The following STXBP3 variants were observed in gnomAD, a reference collection of about 807,000 sequenced individuals.
The protein encoded by STXBP3 is syntaxin binding protein 3, also known as syntaxin-binding protein 3.
STXBP3 carries 41 observed loss-of-function variants against 85.7 expected under a neutral mutation model. That is an observed-to-expected ratio of 0.48 (90% CI 0.37 to 0.62). STXBP3 has a LOEUF of 0.62. Among genes scored for constraint, STXBP3 ranks in the 20% least tolerant of loss-of-function variants. The probability of loss-of-function intolerance (pLI) is 0.00; values close to 1 mark genes in which losing one functional copy is unlikely to be tolerated. For synonymous variants in STXBP3, 229 were observed against 231.7 expected (o/e 0.99, Z 0.10); for missense variants, 563 against 703.1 (o/e 0.80, Z 2.25).
chr1:108,779,009 G>T (rs375456253), intron 8 of STXBP3, among the ~76,000 whole-genome samples: 1 of 152,120 alleles, frequency 6.6e-6, no homozygotes, highest in Non-Finnish European at 1.5e-5. Flanking sequence ...TCAAACCCAA[G>T]TTATTAAATA....
At chr1:108,753,017 G>A in intron 2 of STXBP3, 46 bp from the exon 3 acceptor site, 1 of 1,415,272 alleles carries the variant, frequency 7.1e-7, no homozygotes, top group Non-Finnish European at 9.5e-7. Flanking sequence ...TTTCATTCTT[G>A]GTAATAGGAT....
chr1:108,764,011 T>C (rs1266780267), intron 6 of STXBP3, among the ~76,000 whole-genome samples: 1 of 152,140 alleles, frequency 6.6e-6, no homozygotes, highest in Non-Finnish European at 1.5e-5. Context: ...CCAATAGTTA[T>C]TTTTTCTATT....
chr1:108,785,931 A>C (rs1662816555), intron 11 of STXBP3, among the ~76,000 whole-genome samples: 3 of 152,204 alleles, frequency 2.0e-5, no homozygotes, highest in South Asian at 4.1e-4. Context: ...CATTTTGGCC[A>C]AAATCACTCA....
Position 108,782,629 on chromosome 1 carries a change from A to G in STXBP3, c.906-20A>G. ...GAATTACATCTTAGAAATTTAAAGA[A>G]TTCTCTCACAATTTGACAGGGAAAT... On this transcript the variant is annotated intron_variant, in intron 10 of 18. Coordinates refer to ENST00000370008, the MANE Select transcript of STXBP3 (RefSeq NM_007269.4). 6.2e-7 allele frequency: 1 copy of G among 1,602,778 alleles called. No individual in the cohort carries two copies.
chr1:108,806,963 A>G (rs1057077811), intron 17 of STXBP3, among the ~76,000 whole-genome samples: 32 of 152,196 alleles, frequency 2.1e-4, no homozygotes, highest in African/African-American at 5.8e-4. Flanking sequence ...TTAAAAATCA[A>G]TGTAATTGGG....
Position 108,776,352 on chromosome 1 carries a change from A to C in STXBP3, c.613A>C (p.Ser205Arg). 1 of 1,608,474 alleles carries C rather than the reference A, an allele frequency of 6.2e-7. No homozygotes were observed. The highest frequency in any genetic ancestry group is 8.5e-7 in the Non-Finnish European group (1 of 1,177,078). The change falls in exon 8 of 19, where the codon AGT becomes CGT. Residue 205 changes from serine (S) to arginine (R), a missense_variant. Physicochemically the swap from Ser to Arg is moderately radical, Grantham distance 110. Coordinates refer to ENST00000370008, the MANE Select transcript of STXBP3 (RefSeq NM_007269.4). ...TTCTAGTAAACCTCTAGATAATGCC[A>C]GTAAGCTTGCACAGCTTGTTGAAAA... is the stretch of plus-strand genomic sequence containing the variant. ...RYKSKPLDNA[S>R]KLAQLVEKKL... is the part of the protein sequence containing the mutation.
Position 108,793,590 on chromosome 1 carries a change from T to G in STXBP3, c.972T>G (p.Leu324=). ...TGTTTGATTTTTCCTAGACATCACT[T>G]AGTGCTCTTACCCAGCTGATGAAAA... ...TKKATEGKTS[L]SALTQLMKKM... The change falls in exon 12 of 19, where the codon CTT becomes CTG. Residue 324 remains leucine, a synonymous_variant. Transcript: ENST00000370008. The G allele has an allele frequency of 6.2e-7, 1 of 1,611,890 alleles. No homozygotes were observed. The highest frequency in any genetic ancestry group is 8.5e-7 in the Non-Finnish European group (1 of 1,178,610).
intron 9 of STXBP3, chr1:108,779,713 G>A (rs906375835): frequency 5.2e-5 from 2 of 38,096 alleles, no homozygotes; most frequent in Non-Finnish European, 7.9e-5. Context: ...TAAATACCAG[G>A]CTCACTATCA....
chr1:108,773,700 A>G (rs998956158), intron 7 of STXBP3, among the ~76,000 whole-genome samples: 26 of 152,056 alleles, frequency 1.7e-4, no homozygotes, highest in African/African-American at 6.3e-4. Flanking sequence ...GACTGGGACA[A>G]TTTAGACATG....
intron 6 of STXBP3, among the ~76,000 whole-genome samples, chr1:108,770,151 C>G (rs1480423689): frequency 6.6e-6 from 1 of 152,020 alleles, no homozygotes; most frequent in Non-Finnish European, 1.5e-5. Flanking sequence ...AAGGAATTAG[C>G]CAGGTGTGGT....
At chr1:108,803,182 A>G (rs1382632040) in intron 17 of STXBP3, among the ~76,000 whole-genome samples, 1 of 152,224 alleles carries the variant, frequency 6.6e-6, no homozygotes, top group East Asian at 1.9e-4. Context: ...GCAGTTTATT[A>G]CTAAGCATAT....
chr1:108,766,017 T>G (rs1202353987), intron 6 of STXBP3, among the ~76,000 whole-genome samples: 1 of 151,852 alleles, frequency 6.6e-6, no homozygotes, highest in East Asian at 1.9e-4. Flanking sequence ...CAAGCCCAGC[T>G]GATTTTTTGT....
intron 1 of STXBP3, among the ~76,000 whole-genome samples, chr1:108,749,197 C>A (rs1273603287): frequency 6.6e-6 from 1 of 152,056 alleles, no homozygotes. Context: ...ATCAATATGC[C>A]TAATAGGTGG....
At chr1:108,778,505 C>T (rs928895248) in intron 8 of STXBP3, among the ~76,000 whole-genome samples, 1 of 152,138 alleles carries the variant, frequency 6.6e-6, no homozygotes, top group African/African-American at 2.4e-5. Context: ...CTCCATTCTG[C>T]CTCTTACTAC....
intron 6 of STXBP3, among the ~76,000 whole-genome samples, chr1:108,771,488 CA>C (rs1557805570): frequency 2.7e-4 from 4 of 14,894 alleles, no homozygotes; most frequent in Non-Finnish European, 6.2e-4. Context: ...CTATATATAT[CA>C]TATATAAATA....
chr1:108,765,194 G>T (rs1371805218), intron 6 of STXBP3, among the ~76,000 whole-genome samples: 1 of 152,148 alleles, frequency 6.6e-6, no homozygotes, highest in Non-Finnish European at 1.5e-5. Flanking sequence ...TAGGTATGCG[G>T]CCTTATATAT....
chr1:108,789,067 A>T (rs745998062), intron 11 of STXBP3, among the ~76,000 whole-genome samples: 22 of 152,208 alleles, frequency 1.4e-4, no homozygotes, highest in Non-Finnish European at 2.9e-4. Flanking sequence ...CCATGTAAAA[A>T]AAAATAAAAT....
intron 6 of STXBP3, among the ~76,000 whole-genome samples, chr1:108,772,219 ATATAAATACATGATATCTATCTG>A: frequency 3.5e-5 from 2 of 56,578 alleles, no homozygotes; most frequent in Non-Finnish European, 8.6e-5. Flanking sequence ...TCTGTATCAT[ATATAAATACATGATATCTATCTG>A]TATCATATAT....
At chr1:108,760,984 A>G (rs1265291304) in intron 6 of STXBP3, among the ~76,000 whole-genome samples, 1 of 151,848 alleles carries the variant, frequency 6.6e-6, no homozygotes, top group Non-Finnish European at 1.5e-5. Flanking sequence ...GCTCACTGCA[A>G]CCTCCATCTC....
Sources: gnomAD v4.1 joint callset for allele counts (sites outside exome capture counted in the v4.1 genomes callset) on GRCh38, gnomAD v4.1.1 for gene constraint, MANE v1.5 for transcripts, NCBI Gene and HGNC (gene_info 2026-07-23, HGNC 2026-07-21) for gene names.